Variants in KCNMA1 observed in about 807,000 individuals in gnomAD.
KCNMA1 encodes the protein potassium calcium-activated channel subfamily M alpha 1.
In KCNMA1, 29 loss-of-function variants were observed where a neutral mutation model predicts 140.0. The ratio of observed to expected loss-of-function variants is 0.21; its 90% CI spans 0.15 to 0.28. The LOEUF is 0.28. KCNMA1 is among the 10% of genes least tolerant of loss of function. The pLI, the probability that KCNMA1 is intolerant of heterozygous loss-of-function variation, is 1.00. For missense variants in KCNMA1, 880 were observed against 1,602.2 expected (o/e 0.55, Z 7.70); for synonymous variants, 612 against 611.9 (o/e 1.00, Z 0.00).
At chr10:77,599,668 C>T (rs2082026741) in intron 1 of KCNMA1, among the ~76,000 whole-genome samples, 2 of 152,222 alleles carry the variant, frequency 1.3e-5, no homozygotes, top group South Asian at 2.1e-4. Context: ...GAAGCACCTA[C>T]TGGATCATAT....
chr10:77,230,040 A>G (rs538152282), intron 3 of KCNMA1, among the ~76,000 whole-genome samples: 1 of 152,354 alleles, frequency 6.6e-6, no homozygotes, highest in Non-Finnish European at 1.5e-5. Context: ...GAAACAATCT[A>G]CATGTTCATT....
intron 1 of KCNMA1, among the ~76,000 whole-genome samples, chr10:77,411,996 C>T (rs770974885): frequency 1.3e-5 from 2 of 152,210 alleles, no homozygotes; most frequent in Non-Finnish European, 2.9e-5. Context: ...CGGTCTCCAG[C>T]ACTAAGAGGC....
chr10:77,298,515 T>C (rs904022689), intron 2 of KCNMA1, among the ~76,000 whole-genome samples: 2 of 152,176 alleles, frequency 1.3e-5, no homozygotes, highest in Admixed American at 1.3e-4. Flanking sequence ...GTGCTGGGAT[T>C]ACAGGTGTGA....
intron 1 of KCNMA1, among the ~76,000 whole-genome samples, chr10:77,469,172 T>C (rs1428030551): frequency 1.3e-5 from 2 of 152,042 alleles, no homozygotes; most frequent in Non-Finnish European, 2.9e-5. Context: ...CCCAATACCT[T>C]CAAAGGCCAC....
chr10:77,350,028 A>G (rs2092684133), intron 2 of KCNMA1, among the ~76,000 whole-genome samples: 1 of 152,132 alleles, frequency 6.6e-6, no homozygotes, highest in African/African-American at 2.4e-5. Flanking sequence ...CCTCCCGAGT[A>G]GCTGGGACTA....
intron 16 of KCNMA1, chr10:77,019,309 C>A: frequency 1.8e-6 from 1 of 565,078 alleles, no homozygotes; most frequent in South Asian, 2.1e-5. Flanking sequence ...ACTTCCCAGG[C>A]TGGCATGCTC....
intron 1 of KCNMA1, among the ~76,000 whole-genome samples, chr10:77,567,262 T>C (rs966214489): frequency 1.3e-5 from 2 of 152,364 alleles, no homozygotes; most frequent in South Asian, 2.1e-4. Flanking sequence ...GATCCATATC[T>C]GTCACCATGT....
chr10:77,294,341 T>C (rs913842747), intron 2 of KCNMA1, among the ~76,000 whole-genome samples: 45 of 152,186 alleles, frequency 3.0e-4, no homozygotes, highest in African/African-American at 1.0e-3. Flanking sequence ...GGCAGAACTA[T>C]AATGAGATGT....
chr10:77,132,575 A>C (rs2097888131), intron 5 of KCNMA1, among the ~76,000 whole-genome samples: 1 of 143,620 alleles, frequency 7.0e-6, no homozygotes, highest in Admixed American at 7.2e-5. Flanking sequence ...CCCAGGCTGG[A>C]GTGCAGTGGC....
At chr10:77,285,446 G>C (rs2070453541) in intron 2 of KCNMA1, among the ~76,000 whole-genome samples, 1 of 152,086 alleles carries the variant, frequency 6.6e-6, no homozygotes, top group Admixed American at 6.5e-5. Context: ...GGAATTTCAA[G>C]AACATGCATC....
intron 1 of KCNMA1, among the ~76,000 whole-genome samples, chr10:77,589,634 T>TA (rs2078372820): frequency 6.6e-6 from 1 of 152,128 alleles, no homozygotes; most frequent in Non-Finnish European, 1.5e-5. Context: ...CGGTGAGTGT[T>TA]ACAGCTCTTA....
intron 1 of KCNMA1, among the ~76,000 whole-genome samples, chr10:77,484,433 G>C (rs1055009614): frequency 1.3e-5 from 2 of 152,264 alleles, no homozygotes; most frequent in African/African-American, 4.8e-5. Context: ...ACTGAGGCTA[G>C]ATATGCAGTA....
At chr10:77,539,418 A>G (rs376158976) in intron 1 of KCNMA1, among the ~76,000 whole-genome samples, 1 of 152,222 alleles carries the variant, frequency 6.6e-6, no homozygotes, top group East Asian at 1.9e-4. Context: ...GGGTGGGATA[A>G]GTGAGTGGCC....
intron 1 of KCNMA1, among the ~76,000 whole-genome samples, chr10:77,515,571 CAAGGACCAACTGAT>C (rs1174610479): frequency 5.3e-5 from 8 of 152,050 alleles, no homozygotes; most frequent in African/African-American, 1.9e-4. Context: ...AGCCAGAGGG[CAAGGACCAACTGAT>C]AAGCCAGGAA....
At chr10:77,012,233 T>G in intron 17 of KCNMA1, 190 bp from the exon 18 acceptor site, 2 of 1,473,250 alleles carry the variant, frequency 1.4e-6, no homozygotes, top group Middle Eastern at 3.7e-4. Flanking sequence ...AACACAGGAT[T>G]CTGTGATTTG....
intron 2 of KCNMA1, among the ~76,000 whole-genome samples, chr10:77,314,732 T>C (rs938945408): frequency 1.3e-5 from 2 of 152,086 alleles, no homozygotes; most frequent in Admixed American, 1.3e-4. Flanking sequence ...GCTCACCAAC[T>C]CTCTTCCTAA....
At chr10:77,212,132 A>G (rs529167730) in intron 3 of KCNMA1, among the ~76,000 whole-genome samples, 2 of 152,202 alleles carry the variant, frequency 1.3e-5, no homozygotes, top group Non-Finnish European at 2.9e-5. Context: ...TTATACCAAA[A>G]AAACACATGC....
chr10:77,419,240 G>A (rs1312145212), intron 1 of KCNMA1, among the ~76,000 whole-genome samples: 1 of 152,154 alleles, frequency 6.6e-6, no homozygotes, highest in Non-Finnish European at 1.5e-5. Context: ...TGCAAGGAGA[G>A]AAGAGCCCTG....
chr10:77,151,714 A>C (rs1171491535), intron 5 of KCNMA1, among the ~76,000 whole-genome samples: 2 of 152,168 alleles, frequency 1.3e-5, no homozygotes, highest in Non-Finnish European at 2.9e-5. Context: ...TCCCACTCAC[A>C]CCAGGAGGAC....
Sources: gnomAD v4.1 joint callset for allele counts (sites outside exome capture counted in the v4.1 genomes callset) on GRCh38, gnomAD v4.1.1 for gene constraint, MANE v1.5 for transcripts, NCBI Gene and HGNC (gene_info 2026-07-23, HGNC 2026-07-21) for gene names.